ITPR1: variants seen among roughly 807,000 people sequenced by gnomAD.
The protein encoded by ITPR1 is inositol 1,4,5-trisphosphate receptor type 1.
ITPR1 carries 96 observed loss-of-function variants against 318.4 expected under a neutral mutation model. The ratio of observed to expected loss-of-function variants is 0.30; its 90% CI spans 0.26 to 0.36. ITPR1 has a LOEUF of 0.36. Ranked by LOEUF, ITPR1 falls within the 10% of genes least tolerant of loss-of-function variation. ITPR1 has a pLI of 1.00. For synonymous variants in ITPR1, 1,312 were observed against 1,289.9 expected (o/e 1.02, Z -0.37); for missense variants, 2,440 against 3,460.2 (o/e 0.71, Z 7.40).
At chr3:4,603,937 T>C (rs1022662071) in intron 4 of ITPR1, among the ~76,000 whole-genome samples, 10 of 152,214 alleles carry the variant, frequency 6.6e-5, no homozygotes, top group South Asian at 2.1e-4. Context: ...CTAATTTACA[T>C]TTCTACCAAT....
At chr3:4,815,295 G>A in intron 59 of ITPR1, 77 bp downstream of exon 59, 1 of 1,453,770 alleles carries the variant, frequency 6.9e-7, no homozygotes, top group Non-Finnish European at 9.5e-7. Context: ...GCGAGGGTGT[G>A]ATGGGCGGGG....
chr3:4,645,039 G>T (rs527368853), intron 8 of ITPR1, among the ~76,000 whole-genome samples: 1 of 151,972 alleles, frequency 6.6e-6, no homozygotes, highest in Admixed American at 6.6e-5. Context: ...TCCCTTTATG[G>T]CTCATCCCAT....
At chr3:4,696,427 G>A (rs1241743090) in intron 33 of ITPR1, among the ~76,000 whole-genome samples, 3 of 152,196 alleles carry the variant, frequency 2.0e-5, no homozygotes, top group Non-Finnish European at 2.9e-5. Context: ...ACAAGTTGTA[G>A]CATGTATCAG....
intron 4 of ITPR1, among the ~76,000 whole-genome samples, chr3:4,542,760 CT>C (rs1395915096): frequency 6.6e-6 from 1 of 152,232 alleles, no homozygotes; most frequent in East Asian, 1.9e-4. Flanking sequence ...GCTTTATCCC[CT>C]CTACCTGGCA....
intron 4 of ITPR1, among the ~76,000 whole-genome samples, chr3:4,554,592 A>G (rs1335395460): frequency 2.0e-5 from 3 of 152,042 alleles, no homozygotes; most frequent in Non-Finnish European, 1.5e-5. Flanking sequence ...CTGGTTGGGA[A>G]GGAGTGACAG....
chr3:4,797,336 G>T (rs984141180), intron 53 of ITPR1, among the ~76,000 whole-genome samples: 1 of 152,100 alleles, frequency 6.6e-6, no homozygotes, highest in African/African-American at 2.4e-5. Flanking sequence ...ACAAGATCTG[G>T]TTTGTTGACC....
chr3:4,588,836 G>A (rs2090142246), intron 4 of ITPR1, among the ~76,000 whole-genome samples: 1 of 152,070 alleles, frequency 6.6e-6, no homozygotes, highest in South Asian at 2.1e-4. Flanking sequence ...GTTTTGGCTT[G>A]TAGTGTCTTG....
intron 46 of ITPR1, among the ~76,000 whole-genome samples, chr3:4,774,177 T>A (rs1412557955): frequency 6.6e-6 from 1 of 152,232 alleles, no homozygotes; most frequent in Non-Finnish European, 1.5e-5. Context: ...TGACAGTGTG[T>A]CATAGAGATC....
chr3:4,654,573 T>C (rs2093664270), intron 12 of ITPR1, among the ~76,000 whole-genome samples: 1 of 152,190 alleles, frequency 6.6e-6, no homozygotes, highest in Admixed American at 6.5e-5. Flanking sequence ...GACAGTTTTC[T>C]TGTGGAGTGC....
At chr3:4,778,788 T>C (rs2046638014) in intron 48 of ITPR1, among the ~76,000 whole-genome samples, 1 of 152,136 alleles carries the variant, frequency 6.6e-6, no homozygotes, top group African/African-American at 2.4e-5. Flanking sequence ...CTGACTCAAC[T>C]GCTGTGACCT....
intron 4 of ITPR1, among the ~76,000 whole-genome samples, chr3:4,564,040 C>T (rs2086957894): frequency 1.3e-5 from 2 of 151,970 alleles, no homozygotes; most frequent in Admixed American, 1.3e-4. Flanking sequence ...CTCCGGGGTT[C>T]AAGCGATTCT....
At chr3:4,842,296 A>C (rs1156276346) in intron 61 of ITPR1, among the ~76,000 whole-genome samples, 1 of 152,252 alleles carries the variant, frequency 6.6e-6, no homozygotes, top group Non-Finnish European at 1.5e-5. Context: ...ATTTGTATAG[A>C]TGTGAAGAAC....
chr3:4,786,773 A>T (rs2047224859), intron 51 of ITPR1, among the ~76,000 whole-genome samples: 1 of 152,208 alleles, frequency 6.6e-6, no homozygotes, highest in Non-Finnish European at 1.5e-5. Context: ...GGGCCCAAAC[A>T]TACCCAGCAT....
At chr3:4,687,417 C>G (rs1371415568) in intron 30 of ITPR1, among the ~76,000 whole-genome samples, 1 of 152,134 alleles carries the variant, frequency 6.6e-6, no homozygotes, top group African/African-American at 2.4e-5. Flanking sequence ...GAGTAAACAG[C>G]GACACTGAGA....
intron 49 of ITPR1, among the ~76,000 whole-genome samples, chr3:4,781,464 C>T (rs556175037): frequency 6.6e-6 from 1 of 152,172 alleles, no homozygotes; most frequent in East Asian, 1.9e-4. Context: ...ACCCAGTCCC[C>T]GCTCTCAAGA....
chr3:4,730,612 C>T (rs990152110), intron 42 of ITPR1, among the ~76,000 whole-genome samples: 2 of 152,010 alleles, frequency 1.3e-5, no homozygotes, highest in East Asian at 3.8e-4. Flanking sequence ...CTGGCGTCCA[C>T]GTGCTCCTTT....
rs760320664 is a variant in ITPR1, at chr3:4,685,169, C to T, written c.3665C>T (p.Ala1222Val). ...CTGCTCCGGAACATGGGCGCGCACG[C>T]CGTGGTGCTGGAGCTGCTGCAGATT... ...QRLLRNMGAH[A>V]VVLELLQIPY... is the part of the protein sequence containing the mutation. The change falls in exon 30 of 62, where the codon GCC (alanine) becomes GTC (valine). Residue 1222 changes from alanine to valine, a missense_variant. Physicochemically the swap from Ala to Val is moderately conservative, Grantham distance 64 (BLOSUM62 0). Transcript: ENST00000649015. 7 of 1,606,950 alleles carry T rather than the reference C, an allele frequency of 4.4e-6. No individual in the cohort carries two copies. Among genetic ancestry groups the T allele is most frequent in the African/African-American group, 4.0e-5 (3 of 74,888 alleles).
At chr3:4,684,458 G>T in intron 29 of ITPR1, 112 bp downstream of exon 29, 1 of 748,038 alleles carries the variant, frequency 1.3e-6, no homozygotes, top group South Asian at 1.7e-5. Context: ...TCTTCATGTG[G>T]TTTAACAGGG....
At chr3:4,596,268 T>C (rs1575652357) in intron 4 of ITPR1, 1 of 152,212 alleles carries the variant, frequency 6.6e-6, no homozygotes, top group South Asian at 2.1e-4. Flanking sequence ...TCTGACTTTA[T>C]GGTAAAAAGC....
Sources: gnomAD v4.1 joint callset for allele counts (sites outside exome capture counted in the v4.1 genomes callset) on GRCh38, gnomAD v4.1.1 for gene constraint, MANE v1.5 for transcripts, NCBI Gene and HGNC (gene_info 2026-07-23, HGNC 2026-07-21) for gene names.